Variants in FBXO25 observed in about 807,000 individuals in gnomAD.
FBXO25 encodes F-box protein 25.
FBXO25 carries 45 observed loss-of-function variants against 51.9 expected under a neutral mutation model. The ratio of observed to expected loss-of-function variants is 0.87; its 90% CI spans 0.68 to 1.11. The LOEUF is 1.11. FBXO25 is among the 50% of genes most tolerant of loss of function. The pLI is 0.00. For synonymous variants in FBXO25, 199 were observed against 151.0 expected (o/e 1.32, Z -2.33); for missense variants, 507 against 428.5 (o/e 1.18, Z -1.62).
Position 413,280 on chromosome 8 carries a change from A to C in FBXO25, c.134+67A>C, listed in dbSNP as rs1351287842. The C allele has an allele frequency of 5.0e-6, 7 of 1,398,858 alleles. No homozygotes were observed. The East Asian group carries it at 1.8e-4, about 36-fold the overall frequency. 86.7% of individuals were successfully genotyped at this position (1,398,858 alleles called of 1,614,324 possible). On this transcript the variant is annotated intron_variant, in intron 2 of 9. Transcript: ENST00000350302. ...GCATGTATGGCCTTACCTATTTTTC[A>C]AGTCCCTGCAAAGCTCCATAACTTT...
chr8:420,328 C>G (rs920570229), intron 2 of FBXO25: 4 of 152,220 alleles, frequency 2.6e-5, no homozygotes, highest in African/African-American at 4.8e-5. Flanking sequence ...GGAATATGCT[C>G]TCCAACCCTG....
chr8:425,967 A>G (rs1797449448), intron 2 of FBXO25, among the ~76,000 whole-genome samples: 1 of 150,348 alleles, frequency 6.7e-6, no homozygotes, highest in Admixed American at 6.6e-5. Context: ...GGCTCCCCAC[A>G]GTACCTGATA....
At chr8:461,268 T>C (rs1799791082) in intron 8 of FBXO25, among the ~76,000 whole-genome samples, 1 of 152,188 alleles carries the variant, frequency 6.6e-6, no homozygotes, top group Non-Finnish European at 1.5e-5. Flanking sequence ...TTGGCATCTG[T>C]ATTAGTCCAT....
chr8:413,589 G>T (rs1796616988), intron 2 of FBXO25, among the ~76,000 whole-genome samples: 2 of 152,186 alleles, frequency 1.3e-5, no homozygotes, highest in Admixed American at 1.3e-4. Context: ...TTGAAAGCCT[G>T]AGTTGGCATG....
intron 7 of FBXO25, 66 bp from the exon 8 acceptor site, chr8:458,303 T>G (rs907060723): frequency 7.2e-6 from 11 of 1,538,352 alleles, no homozygotes; most frequent in Non-Finnish European, 9.8e-6. Context: ...AGCTTGACTC[T>G]TCAGTTACTG....
At chr8:433,238 G>C (rs1438972599) in intron 4 of FBXO25, among the ~76,000 whole-genome samples, 1 of 152,074 alleles carries the variant, frequency 6.6e-6, no homozygotes, top group Non-Finnish European at 1.5e-5. Flanking sequence ...GCATGTATTT[G>C]TGCAGATACT....
intron 5 of FBXO25, among the ~76,000 whole-genome samples, chr8:447,153 G>T (rs1322960889): frequency 6.6e-6 from 1 of 152,196 alleles, no homozygotes; most frequent in East Asian, 1.9e-4. Flanking sequence ...ACTCCAGCTT[G>T]CAGAGTGCAG....
intron 1 of FBXO25, among the ~76,000 whole-genome samples, chr8:408,984 C>T (rs1796331344): frequency 1.3e-5 from 2 of 152,036 alleles, no homozygotes; most frequent in South Asian, 2.1e-4. Context: ...TTAAAATAAG[C>T]GTATAAAGCT....
intron 5 of FBXO25, among the ~76,000 whole-genome samples, chr8:439,167 G>C (rs1798272435): frequency 6.6e-6 from 1 of 152,168 alleles, no homozygotes; most frequent in South Asian, 2.1e-4. Flanking sequence ...ATGTGACTGT[G>C]GTTTTTACAC....
rs2100160 is a variant in FBXO25 at position 477,140 on chromosome 8, A to G, written c.*8336A>G. ...TTTCTAGTTTCATCCCACTGTGGCC[A>G]GAAAAGATATTTTATTTCCTCAGTC... On this transcript the variant is annotated 3_prime_UTR_variant, in exon 10 of 10. Transcript: ENST00000350302. 1 of 152,168 alleles carries G rather than the reference A, an allele frequency of 6.6e-6. No homozygotes were observed. The highest frequency in any genetic ancestry group is 1.5e-5 in the Non-Finnish European group (1 of 68,034). The allele number at this position is 152,168 out of a possible 1,614,324, so 9.4% of individuals were successfully genotyped here.
intron 7 of FBXO25, among the ~76,000 whole-genome samples, chr8:454,476 C>T (rs999705773): frequency 4.6e-5 from 7 of 152,112 alleles, no homozygotes; most frequent in African/African-American, 1.2e-4. Flanking sequence ...ATGGGGCCTC[C>T]GAGGGACCCA....
rs1309721458 is a variant in FBXO25, at chr8:475,402, A to G, written c.*6598A>G. 1 of 155,316 alleles carries G rather than the reference A, an allele frequency of 6.4e-6. No individual in the cohort carries two copies. The highest frequency in any genetic ancestry group is 2.4e-5 in the African/African-American group (1 of 41,396). 9.6% of individuals were successfully genotyped at this position (155,316 alleles called of 1,614,324 possible). On this transcript the variant is annotated 3_prime_UTR_variant, in exon 10 of 10. Coordinates refer to ENST00000350302, the MANE Select transcript of FBXO25 (RefSeq NM_183420.2). ...AGACCTCCTACTTGGTTCCCTTTCA[A>G]GATGATTTTGGCTGTGTGAGGTCTC... is the stretch of plus-strand genomic sequence containing the variant.
intron 1 of FBXO25, among the ~76,000 whole-genome samples, chr8:411,706 C>G (rs1399648901): frequency 6.6e-6 from 1 of 152,130 alleles, no homozygotes; most frequent in Non-Finnish European, 1.5e-5. Flanking sequence ...TCAGACAGCC[C>G]TTACAACTAT....
intron 7 of FBXO25, among the ~76,000 whole-genome samples, chr8:454,326 C>G (rs1328593689): frequency 1.3e-5 from 2 of 152,202 alleles, no homozygotes; most frequent in African/African-American, 4.8e-5. Flanking sequence ...ATGTGCACAT[C>G]TCTGTGACTC....
Position 407,548 on chromosome 8 carries a change from C to G in FBXO25, c.-8+482C>G, listed in dbSNP as rs562073540. 435 of 632,678 alleles carry G rather than the reference C, an allele frequency of 6.9e-4. 1 individual carries two copies. In the African/African-American group the frequency reaches 8.3e-3, roughly 12 times the overall value. 39.2% of individuals were successfully genotyped at this position (632,678 alleles called of 1,614,324 possible). ...TTCCCCTGCCCACCTTCTGCGACCC[C>G]TTCCCGCCCCCACCCTCCTGGGCCG... On this transcript the variant is annotated intron_variant, in intron 1 of 9. Transcript: ENST00000350302.
intron 2 of FBXO25, among the ~76,000 whole-genome samples, chr8:413,556 C>G (rs1796614142): frequency 6.6e-6 from 1 of 152,104 alleles, no homozygotes; most frequent in Admixed American, 6.6e-5. Context: ...GTGGCTTACA[C>G]AAGACAAATC....
At chr8:435,444 A>G in intron 4 of FBXO25, 171 bp from the exon 5 acceptor site, 1 of 841,840 alleles carries the variant, frequency 1.2e-6, no homozygotes, top group South Asian at 1.9e-5. Context: ...AGCTTAAATT[A>G]TTAGCATTGC....
At chr8:466,148 A>T (rs976479797) in intron 9 of FBXO25, among the ~76,000 whole-genome samples, 4 of 152,138 alleles carry the variant, frequency 2.6e-5, no homozygotes, top group East Asian at 3.9e-4. Context: ...CATGCATTGG[A>T]AGTATTCAAA....
At chr8:417,292 C>G (rs190095056) in intron 2 of FBXO25, among the ~76,000 whole-genome samples, 14 of 152,334 alleles carry the variant, frequency 9.2e-5, no homozygotes, top group African/African-American at 2.4e-5. Context: ...CAGGATTATT[C>G]TGGCTACCGT....
Sources: gnomAD v4.1 joint callset for allele counts (sites outside exome capture counted in the v4.1 genomes callset) on GRCh38, gnomAD v4.1.1 for gene constraint, MANE v1.5 for transcripts, NCBI Gene and HGNC (gene_info 2026-07-23, HGNC 2026-07-21) for gene names.